The following CNTNAP5 variants were observed in gnomAD, a reference collection of about 807,000 sequenced individuals.
The protein encoded by CNTNAP5 is contactin-associated protein-like 5.
A neutral mutation model predicts 150.2 loss-of-function variants in CNTNAP5; 72 were observed. That is an observed-to-expected ratio of 0.48 (90% confidence interval 0.40 to 0.58). The LOEUF is 0.58. CNTNAP5 is among the 20% of genes least tolerant of loss of function. The pLI is 0.00. For synonymous variants in CNTNAP5, 672 were observed against 619.8 expected (o/e 1.08, Z -1.25); for missense variants, 1,636 against 1,626.2 (o/e 1.01, Z -0.10).
Position 124,129,099 on chromosome 2 carries a change from GA to G in CNTNAP5, c.83-92597del, listed in dbSNP as rs11444930. 6.0e-5 allele frequency among the ~76,000 whole-genome samples: 9 copies of G among 148,902 alleles called. No individual in the cohort carries two copies. In the South Asian group the frequency reaches 1.1e-3, roughly 18 times the overall value. Reference sequence around the variant, plus strand: ...TAAATAAAAAATACCCATCAGAACAGAAAAAAAAAGAAAGAAAGAAATGGAA... The same window carrying G: ...TAAATAAAAAATACCCATCAGAACAGAAAAAAAAGAAAGAAAGAAATGGAA... On this transcript the variant is annotated intron_variant, in intron 1 of 23. Transcript: ENST00000682447.
intron 6 of CNTNAP5, among the ~76,000 whole-genome samples, chr2:124,451,079 C>CATACACACAT (rs1553469348): frequency 1.1e-5 from 1 of 94,934 alleles, no homozygotes; most frequent in African/African-American, 4.5e-5. Context: ...TATATATATA[C>CATACACACAT]ACACACACAC....
At chr2:124,893,835 T>A (rs1051006123) in intron 21 of CNTNAP5, among the ~76,000 whole-genome samples, 2 of 152,142 alleles carry the variant, frequency 1.3e-5, no homozygotes, top group Admixed American at 1.3e-4. Flanking sequence ...TTAGGCTCTC[T>A]GGATCTTTAT....
chr2:124,757,207 C>A (rs1680858796), intron 14 of CNTNAP5, among the ~76,000 whole-genome samples: 1 of 152,174 alleles, frequency 6.6e-6, no homozygotes, highest in Non-Finnish European at 1.5e-5. Context: ...CAGAAGAGCT[C>A]ATGGACTCCC....
intron 1 of CNTNAP5, among the ~76,000 whole-genome samples, chr2:124,202,525 G>C (rs1414128654): frequency 6.6e-6 from 1 of 152,210 alleles, no homozygotes; most frequent in Non-Finnish European, 1.5e-5. Flanking sequence ...AACTTCAGGA[G>C]TGAAGTCTGC....
intron 13 of CNTNAP5, among the ~76,000 whole-genome samples, chr2:124,711,728 C>G (rs1173637429): frequency 6.6e-6 from 1 of 152,048 alleles, no homozygotes; most frequent in African/African-American, 2.4e-5. Flanking sequence ...GTAGTCCCAG[C>G]TACTTGGGAG....
At chr2:124,637,968 T>C (rs1678006184) in intron 12 of CNTNAP5, among the ~76,000 whole-genome samples, 1 of 152,064 alleles carries the variant, frequency 6.6e-6, no homozygotes, top group Non-Finnish European at 1.5e-5. Flanking sequence ...TACCTCTTTT[T>C]TGTAGCAAAT....
chr2:124,613,227 G>T (rs1677422473), intron 12 of CNTNAP5, among the ~76,000 whole-genome samples: 1 of 152,194 alleles, frequency 6.6e-6, no homozygotes, highest in Admixed American at 6.5e-5. Flanking sequence ...AAACATGAGT[G>T]ACTTATCACA....
At chr2:124,630,588 C>T (rs1677831507) in intron 12 of CNTNAP5, among the ~76,000 whole-genome samples, 1 of 152,084 alleles carries the variant, frequency 6.6e-6, no homozygotes, top group South Asian at 2.1e-4. Flanking sequence ...ATAATAAGAA[C>T]CATTTATGAA....
intron 10 of CNTNAP5, among the ~76,000 whole-genome samples, 157 bp downstream of exon 10, chr2:124,527,613 C>T (rs1695004893): frequency 6.6e-6 from 1 of 152,078 alleles, no homozygotes; most frequent in South Asian, 2.1e-4. Flanking sequence ...GGATTTCAGG[C>T]CCAGAGAAAA....
chr2:124,159,107 T>C (rs1684614144), intron 1 of CNTNAP5, among the ~76,000 whole-genome samples: 1 of 152,238 alleles, frequency 6.6e-6, no homozygotes, highest in Non-Finnish European at 1.5e-5. Context: ...CAATTGCCTT[T>C]ATTGTTGACA....
At chr2:124,474,950 C>A in intron 7 of CNTNAP5, 68 bp downstream of exon 7, 1 of 1,389,474 alleles carries the variant, frequency 7.2e-7, no homozygotes, top group Non-Finnish European at 9.9e-7. Flanking sequence ...CTTTCACCAG[C>A]CCATTCCTGA....
At chr2:124,113,401 C>T (rs1683346453) in intron 1 of CNTNAP5, among the ~76,000 whole-genome samples, 1 of 151,756 alleles carries the variant, frequency 6.6e-6, no homozygotes, top group Admixed American at 6.6e-5. Flanking sequence ...GTACTCTATA[C>T]CTCTATGCTG....
intron 16 of CNTNAP5, among the ~76,000 whole-genome samples, chr2:124,768,735 C>A (rs1206246058): frequency 6.6e-6 from 1 of 151,978 alleles, no homozygotes. Context: ...GCAGCAACCC[C>A]GACTCTGCTT....
rs922427995 is a variant in CNTNAP5 at position 124,914,076 on chromosome 2, T to C, written c.3728-16T>C. The C allele has an allele frequency of 3.8e-6, 6 of 1,593,684 alleles. No homozygotes were observed. The East Asian group carries it at 1.3e-4, about 36-fold the overall frequency. On this transcript the variant is annotated splice_polypyrimidine_tract_variant and intron_variant, in intron 23 of 23. Transcript: ENST00000682447. ...ATGACGATTTCCTTCTCTCTTTCCT[T>C]CCCCTTTCTCTCCAGGGGTGATAGC...
At chr2:124,890,205 C>A (rs1678164650) in intron 21 of CNTNAP5, among the ~76,000 whole-genome samples, 1 of 152,082 alleles carries the variant, frequency 6.6e-6, no homozygotes, top group South Asian at 2.1e-4. Context: ...TCAGTTACAA[C>A]CTCCACACTT....
At chr2:124,408,189 G>A (rs963110356) in intron 3 of CNTNAP5, among the ~76,000 whole-genome samples, 4 of 152,166 alleles carry the variant, frequency 2.6e-5, no homozygotes, top group Non-Finnish European at 5.9e-5. Context: ...CTTAAAAAAC[G>A]GCACACCACG....
intron 3 of CNTNAP5, among the ~76,000 whole-genome samples, chr2:124,348,201 A>C (rs1689789028): frequency 6.6e-6 from 1 of 152,128 alleles, no homozygotes; most frequent in Non-Finnish European, 1.5e-5. Context: ...ACCTCTGATA[A>C]TGTTATAAAT....
At chr2:124,475,437 A>G (rs1693617802) in intron 7 of CNTNAP5, among the ~76,000 whole-genome samples, 1 of 152,070 alleles carries the variant, frequency 6.6e-6, no homozygotes, top group South Asian at 2.1e-4. Context: ...TTACTACTGC[A>G]TTCACAATGC....
intron 3 of CNTNAP5, among the ~76,000 whole-genome samples, chr2:124,310,750 T>TA (rs1688809175): frequency 6.6e-6 from 1 of 152,174 alleles, no homozygotes; most frequent in Non-Finnish European, 1.5e-5. Flanking sequence ...TCTAATGTCA[T>TA]AAAAATGGCT....
Sources: gnomAD v4.1 joint callset for allele counts (sites outside exome capture counted in the v4.1 genomes callset) on GRCh38, gnomAD v4.1.1 for gene constraint, MANE v1.5 for transcripts, NCBI Gene and HGNC (gene_info 2026-07-23, HGNC 2026-07-21) for gene names.